The following TSPAN2 variants were observed in gnomAD, a reference collection of about 807,000 sequenced individuals.
The protein encoded by TSPAN2 is tetraspanin-2.
TSPAN2 carries 24 observed loss-of-function variants against 33.3 expected under a neutral mutation model. The ratio of observed to expected loss-of-function variants is 0.72; its 90% CI spans 0.52 to 1.01. The LOEUF (loss-of-function observed/expected upper bound fraction) is 1.01, where lower values mean the gene tolerates loss of function less well. TSPAN2 is among the 50% of genes least tolerant of loss of function. The pLI, the probability that TSPAN2 is intolerant of heterozygous loss-of-function variation, is 0.00. For missense variants in TSPAN2, 278 were observed against 281.3 expected (o/e 0.99, Z 0.08); for synonymous variants, 114 against 104.5 (o/e 1.09, Z -0.56).
Position 115,089,334 on chromosome 1 carries a change from C to A in TSPAN2, c.69+30G>T. ...CGCGCCCGCCACCCGGCCCCCTGCC[C>A]TGACCGGCCCTCCCGGCTCCTGGTC... On this transcript the variant is annotated intron_variant, in intron 1 of 7. Transcript: ENST00000369516. 2.6e-6 allele frequency: 4 copies of A among 1,550,878 alleles called. No homozygotes were observed. In the East Asian group the frequency reaches 9.8e-5, roughly 38 times the overall value.
At chr1:115,087,556 C>T (rs1648889609) in intron 1 of TSPAN2, among the ~76,000 whole-genome samples, 1 of 141,598 alleles carries the variant, frequency 7.1e-6, no homozygotes. Context: ...GTGGAGCTTG[C>T]AGTGAGTGGA....
Position 115,072,948 on chromosome 1 carries a change from C to G in TSPAN2, c.129G>C (p.Lys43Asn). ...GLWFRFGGAI[K>N]ELSSEDKSPE... ...GGGACTTGTCCTCTGATGATAACTC[C>G]TTTATGGCACCTCCGAACCGAAACC... The change falls in exon 2 of 8, where the codon AAG (lysine) becomes AAC (asparagine). Residue 43 changes from lysine (K) to asparagine (N), a missense_variant. Coordinates refer to ENST00000369516, the MANE Select transcript of TSPAN2 (RefSeq NM_005725.6). 1.9e-6 allele frequency: 3 copies of G among 1,614,220 alleles called. No homozygotes were observed. Among genetic ancestry groups the G allele is most frequent in the Non-Finnish European group, 2.5e-6 (3 of 1,180,044 alleles).
chr1:115,073,592 T>C (rs561833104), intron 1 of TSPAN2, among the ~76,000 whole-genome samples: 2 of 151,172 alleles, frequency 1.3e-5, no homozygotes, highest in South Asian at 4.2e-4. Context: ...CTCTCCACCA[T>C]CCTATATGGT....
At chr1:115,054,951 C>T (rs1647335062) in intron 6 of TSPAN2, among the ~76,000 whole-genome samples, 1 of 152,120 alleles carries the variant, frequency 6.6e-6, no homozygotes, top group Admixed American at 6.5e-5. Flanking sequence ...CATGCCACTA[C>T]ACTCCAGCCT....
intron 6 of TSPAN2, among the ~76,000 whole-genome samples, chr1:115,056,173 A>G (rs929261397): frequency 5.3e-5 from 8 of 152,222 alleles, no homozygotes; most frequent in African/African-American, 1.9e-4. Flanking sequence ...TCATAGATTA[A>G]ACAACAGCAT....
At chr1:115,086,881 A>T (rs1648856289) in intron 1 of TSPAN2, among the ~76,000 whole-genome samples, 1 of 152,172 alleles carries the variant, frequency 6.6e-6, no homozygotes, top group Non-Finnish European at 1.5e-5. Context: ...AGAGTTTCTG[A>T]TTCAGCAAGT....
chr1:115,052,984 C>A (rs192680473), intron 7 of TSPAN2, among the ~76,000 whole-genome samples: 1 of 152,124 alleles, frequency 6.6e-6, no homozygotes, highest in Non-Finnish European at 1.5e-5. Flanking sequence ...TGCCAGAGCT[C>A]GCCCTATTAA....
intron 4 of TSPAN2, 137 bp downstream of exon 4, chr1:115,060,327 G>A: frequency 1.5e-6 from 1 of 674,958 alleles, no homozygotes. Flanking sequence ...GCTCAGTTCT[G>A]CACACCACTT....
intron 2 of TSPAN2, among the ~76,000 whole-genome samples, chr1:115,065,417 G>A (rs532900969): frequency 8.8e-4 from 134 of 152,202 alleles, no homozygotes; most frequent in Non-Finnish European, 1.7e-3. Context: ...ACAAACATAC[G>A]ACCTACTTCC....
chr1:115,072,053 C>A (rs1318609733), intron 2 of TSPAN2, among the ~76,000 whole-genome samples: 1 of 152,216 alleles, frequency 6.6e-6, no homozygotes, highest in East Asian at 1.9e-4. Flanking sequence ...GGGGTGCCAC[C>A]TTTAATGACA....
intron 6 of TSPAN2, among the ~76,000 whole-genome samples, chr1:115,054,851 G>A (rs1182315054): frequency 3.3e-5 from 5 of 152,098 alleles, no homozygotes; most frequent in South Asian, 2.1e-4. Context: ...GCCGGGCATG[G>A]TGGCACCTAC....
intron 2 of TSPAN2, among the ~76,000 whole-genome samples, chr1:115,069,124 GA>G (rs1648060794): frequency 6.6e-6 from 1 of 152,218 alleles, no homozygotes. Context: ...GCTGCCTTAG[GA>G]AAGGGAGATG....
Position 115,089,472 on chromosome 1 carries a change from C to T in TSPAN2, c.-40G>A, listed in dbSNP as rs749057483. 7.1e-7 allele frequency: 1 copy of T among 1,402,938 alleles called. No homozygotes were observed. Among genetic ancestry groups the T allele is most frequent in the South Asian group, 1.6e-5 (1 of 63,338 alleles). The allele number at this position is 1,402,938 out of a possible 1,614,324, so 86.9% of individuals were successfully genotyped here. A position where few individuals can be genotyped will look rare whatever the true frequency, so the allele number is the denominator to read the frequency against. On this transcript the variant is annotated 5_prime_UTR_variant, in exon 1 of 8. Coordinates refer to ENST00000369516, the MANE Select transcript of TSPAN2 (RefSeq NM_005725.6). The stretch of plus-strand genomic sequence containing the variant: ...GCGGGATCCCCAGTCCCCAGGCCCG[C>T]GCTACGAGCGCGGGGAGCGGCAGGC...
intron 1 of TSPAN2, among the ~76,000 whole-genome samples, chr1:115,080,736 AC>A (rs1463487517): frequency 5.9e-5 from 9 of 152,240 alleles, no homozygotes; most frequent in Non-Finnish European, 1.2e-4. Flanking sequence ...TGTCTGCCTT[AC>A]TTACCTCATC....
chr1:115,058,832 A>C (rs550954887), intron 5 of TSPAN2, 51 bp downstream of exon 5: 1 of 1,420,714 alleles, frequency 7.0e-7, no homozygotes, highest in East Asian at 2.3e-5. Flanking sequence ...AACCTGGCTC[A>C]CACATAATCT....
intron 6 of TSPAN2, among the ~76,000 whole-genome samples, chr1:115,053,786 T>G (rs1238747152): frequency 6.6e-6 from 1 of 152,248 alleles, no homozygotes; most frequent in Non-Finnish European, 1.5e-5. Context: ...ACTTCTTACT[T>G]GTAGCAAATA....
intron 5 of TSPAN2, among the ~76,000 whole-genome samples, 186 bp downstream of exon 5, chr1:115,058,697 T>C (rs1490052258): frequency 1.3e-5 from 2 of 152,258 alleles, no homozygotes; most frequent in Non-Finnish European, 2.9e-5. Context: ...CTCTGTGTGA[T>C]AGACATCTTT....
intron 2 of TSPAN2, among the ~76,000 whole-genome samples, chr1:115,065,553 C>T (rs921224795): frequency 6.6e-6 from 1 of 152,148 alleles, no homozygotes; most frequent in African/African-American, 2.4e-5. Context: ...CATGCTACCA[C>T]AAGTACTTTC....
At chr1:115,053,301 C>T (rs971205122) in intron 7 of TSPAN2, 78 bp downstream of exon 7, 4 of 1,282,632 alleles carry the variant, frequency 3.1e-6, no homozygotes, top group Non-Finnish European at 3.4e-6. Context: ...AAGATACTAT[C>T]ACACTTGAAA....
Sources: gnomAD v4.1 joint callset for allele counts (sites outside exome capture counted in the v4.1 genomes callset) on GRCh38, gnomAD v4.1.1 for gene constraint, MANE v1.5 for transcripts, NCBI Gene and HGNC (gene_info 2026-07-23, HGNC 2026-07-21) for gene names.